RASSF3: variants seen among roughly 807,000 people sequenced by gnomAD.
RASSF3 encodes Ras association domain family member 3.
In RASSF3, 19 loss-of-function variants were observed where a neutral mutation model predicts 19.9. That is an observed-to-expected ratio of 0.96 (90% confidence interval 0.67 to 1.40). RASSF3 has a LOEUF of 1.40. Ranked by LOEUF, RASSF3 falls within the 40% of genes most tolerant of loss-of-function variation. The pLI, the probability that RASSF3 is intolerant of heterozygous loss-of-function variation, is 0.00. For synonymous variants in RASSF3, 110 were observed against 104.2 expected (o/e 1.06, Z -0.34); for missense variants, 306 against 289.8 (o/e 1.06, Z -0.41).
chr12:64,665,355 T>C (rs1872511347), intron 1 of RASSF3, among the ~76,000 whole-genome samples: 1 of 152,234 alleles, frequency 6.6e-6, no homozygotes, highest in South Asian at 2.1e-4. Flanking sequence ...AGTCAGAGTT[T>C]ATTCACTTTT....
At chr12:64,655,164 T>C (rs1270459723) in intron 1 of RASSF3, 2 of 152,232 alleles carry the variant, frequency 1.3e-5, no homozygotes, top group South Asian at 2.1e-4. Flanking sequence ...TTTAAATCCA[T>C]GTAATGCTCA....
chr12:64,614,281 C>T (rs1384332289), intron 1 of RASSF3, among the ~76,000 whole-genome samples: 1 of 151,982 alleles, frequency 6.6e-6, no homozygotes, highest in Non-Finnish European at 1.5e-5. Flanking sequence ...TCACAGGCAC[C>T]TGCCACCATA....
rs11312626 is a variant in RASSF3 at position 64,535,995 on chromosome 12, C to CTT, written c.67+2681_67+2682dup. The stretch of plus-strand genomic sequence containing the variant: ...AACCACCGCACCCAGCCTGTTTTCA[C>CTT]TTTTTTTTTTTTTTTTTTTTTGAGA... On this transcript the variant is annotated intron_variant, in intron 1 of 1. Transcript: ENST00000636333. Among the ~76,000 whole-genome samples, 101 of 104,478 alleles carry CTT rather than the reference C, an allele frequency of 9.7e-4. 1 individual carries two copies. The highest frequency in any genetic ancestry group is 1.2e-3 in the Admixed American group (11 of 9,214). The allele number at this position is 104,478 out of a possible 152,430, so 68.5% of individuals were successfully genotyped here.
At chr12:64,516,394 C>A (rs995626414) in intron 1 of RASSF3, among the ~76,000 whole-genome samples, 1 of 149,096 alleles carries the variant, frequency 6.7e-6, no homozygotes, top group Non-Finnish European at 1.5e-5. Context: ...CCGAGGCGGG[C>A]GGATCACGAG....
chr12:64,514,497 A>G (rs1296694067), intron 1 of RASSF3, among the ~76,000 whole-genome samples: 1 of 151,982 alleles, frequency 6.6e-6, no homozygotes, highest in African/African-American at 2.4e-5. Context: ...AATTTAGGTT[A>G]AATTTAAATG....
rs115608635 is a variant in RASSF3 at position 64,625,414 on chromosome 12, A to G, written c.111+14671A>G. 5.9e-3 allele frequency among the ~76,000 whole-genome samples: 891 copies of G among 152,098 alleles called. 5 individuals carry two copies. The highest frequency in any genetic ancestry group is 0.021 in the African/African-American group (870 of 41,462). ...ATGAAAGTGTGGTTTTGTTTGCCCA[A>G]GAGTTTATGTATAAGTTAACACATT... On this transcript the variant is annotated intron_variant, in intron 1 of 4. Coordinates refer to ENST00000542104, the MANE Select transcript of RASSF3 (RefSeq NM_178169.4).
intron 2 of RASSF3, among the ~76,000 whole-genome samples, chr12:64,582,137 T>G (rs1245034): frequency 0.52 from 79,678 of 151,954 alleles, 21,296 homozygotes; most frequent in Non-Finnish European, 0.56. Flanking sequence ...ACAGGAGAGA[T>G]CCACTGTGCC....
chr12:64,666,496 G>A (rs891395502), intron 1 of RASSF3, among the ~76,000 whole-genome samples: 1 of 152,152 alleles, frequency 6.6e-6, no homozygotes, highest in Non-Finnish European at 1.5e-5. Context: ...GCAGATTTGA[G>A]CAGTGTACTC....
chr12:64,516,424 C>T (rs965425180), intron 1 of RASSF3, among the ~76,000 whole-genome samples: 4 of 148,838 alleles, frequency 2.7e-5, no homozygotes, highest in Non-Finnish European at 6.0e-5. Flanking sequence ...TCGAGACCAT[C>T]CCGACTAGAA....
intron 1 of RASSF3, among the ~76,000 whole-genome samples, chr12:64,614,540 C>T (rs1028373143): frequency 1.3e-5 from 2 of 152,086 alleles, no homozygotes; most frequent in Non-Finnish European, 2.9e-5. Context: ...ATAAGGCCCA[C>T]ACCTAGATAG....
chr12:64,511,299 T>A (rs1868326394), intron 1 of RASSF3, among the ~76,000 whole-genome samples: 1 of 152,176 alleles, frequency 6.6e-6, no homozygotes, highest in Admixed American at 6.5e-5. Context: ...ATATGAGATC[T>A]GGTGAAACCC....
chr12:64,691,563 A>G lies in RASSF3; in HGVS notation c.551A>G (p.Glu184Gly), dbSNP rs753818639. 5.0e-6 allele frequency: 8 copies of G among 1,600,302 alleles called. No individual in the cohort carries two copies. The Admixed American group carries it at 6.8e-5, about 14-fold the overall frequency. Reference protein sequence around the residue: ...RTDTLSFVLREHEIGEWEAFS... With the variant: ...RTDTLSFVLRGHEIGEWEAFS... ...GACACACTTAGTTTTGTTCTTCGTG[A>G]ACATGAAATTGGAGAGGTAAGTTAT... The change falls in exon 4 of 5, where the codon GAA becomes GGA. Residue 184 changes from glutamate to glycine, a missense_variant. Physicochemically the swap from Glu to Gly is moderately conservative, Grantham distance 98. Coordinates refer to ENST00000542104, the MANE Select transcript of RASSF3 (RefSeq NM_178169.4).
intron 1 of RASSF3, among the ~76,000 whole-genome samples, chr12:64,620,132 G>A (rs1426811954): frequency 6.6e-6 from 1 of 151,638 alleles, no homozygotes; most frequent in African/African-American, 2.4e-5. Flanking sequence ...ATTGAAACCT[G>A]CCTTCATGGG....
Position 64,549,720 on chromosome 12 carries a change from C to T in RASSF3, c.294+8015C>T, listed in dbSNP as rs539245962. Among the ~76,000 whole-genome samples the T allele has an allele frequency of 1.3e-3, 192 of 152,210 alleles. 1 individual carries two copies. Among genetic ancestry groups the T allele is most frequent in the African/African-American group, 4.5e-3 (185 of 41,542 alleles). ...GCCTCTCTCTCCTGAGCCCCATAAG[C>T]GGAGGTAGGGATACAGTAGTTGGTG... On this transcript the variant is annotated intron_variant, in intron 2 of 5. Coordinates refer to the RASSF3 transcript ENST00000637125.
At position 64,547,602 on chromosome 12, in the gene RASSF3, C is replaced by CGGAA. The variant is rs1017148319; in HGVS notation, c.294+5914_294+5917dup. 1.1e-3 allele frequency among the ~76,000 whole-genome samples: 167 copies of CGGAA among 151,156 alleles called. 1 individual carries two copies. Among genetic ancestry groups the CGGAA allele is most frequent in the African/African-American group, 3.6e-3 (147 of 41,262 alleles). ...AAAGAAAAAAGAAGGGAAGGAAGGA[C>CGGAA]GGAAGGAAGGAAGGAAGGAACTTTT... is the stretch of plus-strand genomic sequence containing the variant. On this transcript the variant is annotated intron_variant, in intron 2 of 5. Transcript: ENST00000637125.
intron 2 of RASSF3, among the ~76,000 whole-genome samples, chr12:64,585,856 T>A (rs544250916): frequency 1.9e-4 from 29 of 152,200 alleles, no homozygotes; most frequent in Middle Eastern, 3.4e-3. Flanking sequence ...TCCTCCTGCC[T>A]CAGCCTCCCA....
At chr12:64,543,451 CGCCCCCCG>C (rs1868985816), downstream of RASSF3, among the ~76,000 whole-genome samples, 1 of 90,206 alleles carries the variant, frequency 1.1e-5, no homozygotes, top group Non-Finnish European at 2.4e-5. Context: ...CGTGCCCGCC[CGCCCCCCG>C]CTCCCCACCC....
At position 64,610,603 on chromosome 12, in the gene RASSF3, A is replaced by C; in HGVS notation, c.-30A>C. 1 of 1,414,942 alleles carries C rather than the reference A, an allele frequency of 7.1e-7. No individual in the cohort carries two copies. The highest frequency in any genetic ancestry group is 9.4e-7 in the Non-Finnish European group (1 of 1,061,758). 87.6% of individuals were successfully genotyped at this position (1,414,942 alleles called of 1,614,324 possible). A position where few individuals can be genotyped will look rare whatever the true frequency, so the allele number is the denominator to read the frequency against. On this transcript the variant is annotated 5_prime_UTR_variant, in exon 1 of 5. Coordinates refer to ENST00000542104, the MANE Select transcript of RASSF3 (RefSeq NM_178169.4). ...CTCCCTGGCCGCCTGCGCCCCGGGG[A>C]GGCCGCCCGCGCGCGACGGGACCGG...
At chr12:64,622,435 C>T (rs763654940) in intron 1 of RASSF3, 2 of 518,148 alleles carry the variant, frequency 3.9e-6, no homozygotes, top group Non-Finnish European at 7.8e-6. Flanking sequence ...ACCTTACCCA[C>T]CAAAGATAAT....
Sources: gnomAD v4.1 joint callset for allele counts (sites outside exome capture counted in the v4.1 genomes callset) on GRCh38, gnomAD v4.1.1 for gene constraint, MANE v1.5 for transcripts, NCBI Gene and HGNC (gene_info 2026-07-23, HGNC 2026-07-21) for gene names.